The following TMEM132B variants were observed in gnomAD, a reference collection of about 807,000 sequenced individuals.
TMEM132B encodes transmembrane protein 132B.
In TMEM132B, 18 loss-of-function variants were observed where a neutral mutation model predicts 90.8. The observed-to-expected ratio is 0.20, with a 90% confidence interval of 0.14 to 0.29. The LOEUF is 0.29. Ranked by LOEUF, TMEM132B falls within the 10% of genes least tolerant of loss-of-function variation. The pLI is 1.00. For synonymous variants in TMEM132B, 504 were observed against 523.3 expected (o/e 0.96, Z 0.50); for missense variants, 1,096 against 1,326.8 (o/e 0.83, Z 2.70).
intron 3 of TMEM132B, among the ~76,000 whole-genome samples, chr12:125,483,483 G>T (rs1882114348): frequency 6.6e-6 from 1 of 151,838 alleles, no homozygotes; most frequent in African/African-American, 2.4e-5. Context: ...AAAGCAATTT[G>T]GTCTTGTTAA....
At chr12:125,586,569 C>T (rs1436656026) in intron 5 of TMEM132B, 1 of 152,170 alleles carries the variant, frequency 6.6e-6, no homozygotes, top group Non-Finnish European at 1.5e-5. Context: ...TTCTGAGTAT[C>T]GTGAAGAAAT....
chr12:125,373,158 T>G (rs1422840131), intron 2 of TMEM132B, among the ~76,000 whole-genome samples: 1 of 152,212 alleles, frequency 6.6e-6, no homozygotes, highest in Non-Finnish European at 1.5e-5. Flanking sequence ...GGCAGGGACA[T>G]GTATCACCAG....
At chr12:125,507,231 T>C (rs1227743373) in intron 3 of TMEM132B, among the ~76,000 whole-genome samples, 1 of 152,232 alleles carries the variant, frequency 6.6e-6, no homozygotes, top group Non-Finnish European at 1.5e-5. Flanking sequence ...TCACAGATTA[T>C]GCATGCATTC....
intron 1 of TMEM132B, among the ~76,000 whole-genome samples, chr12:125,198,229 G>A (rs1593038441): frequency 6.6e-6 from 1 of 152,190 alleles, no homozygotes; most frequent in East Asian, 1.9e-4. Context: ...CACTATTTTA[G>A]TCTGAATTCT....
At chr12:125,353,811 AT>A (rs1182713844) in intron 2 of TMEM132B, among the ~76,000 whole-genome samples, 2 of 152,214 alleles carry the variant, frequency 1.3e-5, no homozygotes, top group African/African-American at 4.8e-5. Flanking sequence ...GAGGAGATTC[AT>A]TTAGGGATGA....
chr12:125,375,296 A>AG lies in TMEM132B; in HGVS notation c.959+24955dup, dbSNP rs758364576. The stretch of plus-strand genomic sequence containing the variant: ...AATATGCAACAGTCTCTAAAGACTC[A>AG]GGAGATGGAGGCTGAGTTTTCAAGG... On this transcript the variant is annotated intron_variant, in intron 2 of 8. Coordinates refer to ENST00000682704, the MANE Select transcript of TMEM132B (RefSeq NM_001366854.1). Among the ~76,000 whole-genome samples, 17 of 152,328 alleles carry AG rather than the reference A, an allele frequency of 1.1e-4. 1 individual carries two copies. The highest frequency in any genetic ancestry group is 6.5e-4 in the Admixed American group (10 of 15,300).
Position 125,650,891 on chromosome 12 carries a change from A to G in TMEM132B, c.1852A>G (p.Ile618Val). ...TEFMKVEEPK[I>V]AQLQDGRTLA... ...GTTCATGAAGGTGGAGGAGCCGAAA[A>G]TCGCTCAGTTACAGGACGGCAGGAC... Residue 618 changes from isoleucine (I) to valine (V), a missense_variant, in exon 7 of 9, where the codon ATC becomes GTC. Physicochemically the swap from Ile to Val is conservative, Grantham distance 29. Coordinates refer to ENST00000682704, the MANE Select transcript of TMEM132B (RefSeq NM_001366854.1). 4 of 1,613,830 alleles carry G rather than the reference A, an allele frequency of 2.5e-6. No homozygotes were observed. Among genetic ancestry groups the G allele is most frequent in the Non-Finnish European group, 3.4e-6 (4 of 1,180,016 alleles).
intron 1 of TMEM132B, among the ~76,000 whole-genome samples, chr12:125,241,792 G>T (rs1359077740): frequency 6.6e-6 from 1 of 152,130 alleles, no homozygotes; most frequent in Non-Finnish European, 1.5e-5. Flanking sequence ...AGTTTCTAAA[G>T]CTCTCCTTGC....
At position 125,655,349 on chromosome 12, in the gene TMEM132B, A is replaced by T. The variant is rs1887033695; in HGVS notation, c.*639A>T. ...GTTATTTCCTGGGTCTCCATGCAGG[A>T]TGTCAGGTTTTTCCAGTTTTCTGCA... On this transcript the variant is annotated 3_prime_UTR_variant, in exon 9 of 9. Coordinates refer to ENST00000682704, the MANE Select transcript of TMEM132B (RefSeq NM_001366854.1). 1 of 152,172 alleles carries T rather than the reference A, an allele frequency of 6.6e-6. No individual in the cohort carries two copies. Among genetic ancestry groups the T allele is most frequent in the Non-Finnish European group, 1.5e-5 (1 of 68,068 alleles). 9.4% of individuals were successfully genotyped at this position (152,172 alleles called of 1,614,324 possible).
rs138388664 is a variant in TMEM132B, at chr12:125,646,440, G to A, written c.1643+2159G>A. On this transcript the variant is annotated intron_variant, in intron 6 of 8. Transcript: ENST00000682704. ...AAGTGTGCTTTAAACAAAAGGCCAA[G>A]GTGGATCTCGAAAACCCTTGCTGAA... 3.0e-4 allele frequency among the ~76,000 whole-genome samples: 45 copies of A among 152,334 alleles called. No individual in the cohort carries two copies. The East Asian group carries it at 8.5e-3, about 29-fold the overall frequency.
At chr12:125,391,768 A>G (rs1299629767) in intron 2 of TMEM132B, among the ~76,000 whole-genome samples, 1 of 152,124 alleles carries the variant, frequency 6.6e-6, no homozygotes, top group Non-Finnish European at 1.5e-5. Flanking sequence ...AATTAAATTA[A>G]TTAATTAGTT....
rs80166426 is a variant in TMEM132B at position 125,375,484 on chromosome 12, A to G, written c.959+25141A>G. ...GTATAGCTAGTCATGGAGTGGAGGA[A>G]CACCCATCTTTGCTTTTCATCTTGA... On this transcript the variant is annotated intron_variant, in intron 2 of 8. Transcript: ENST00000682704. Among the ~76,000 whole-genome samples, 478 of 152,360 alleles carry G rather than the reference A, an allele frequency of 3.1e-3. 8 individuals are homozygous for G. In the East Asian group the frequency reaches 0.036, roughly 12 times the overall value.
At chr12:125,411,160 T>TGGAGTGGAGTGGAGTGGAGTGAGTGGA in intron 2 of TMEM132B, among the ~76,000 whole-genome samples, 1 of 44,984 alleles carries the variant, frequency 2.2e-5, no homozygotes, top group Non-Finnish European at 4.5e-5. Flanking sequence ...AGTGGAGGAG[T>TGGAGTGGAGTGGAGTGGAGTGAGTGGA]GGAGTGGAGT....
At chr12:125,297,144 G>C (rs1033160478) in intron 1 of TMEM132B, among the ~76,000 whole-genome samples, 1 of 152,186 alleles carries the variant, frequency 6.6e-6, no homozygotes, top group Non-Finnish European at 1.5e-5. Context: ...GTTTCCTTGG[G>C]GGGGTCCTGC....
intron 2 of TMEM132B, among the ~76,000 whole-genome samples, chr12:125,377,936 C>T (rs182598080): frequency 1.6e-4 from 24 of 152,236 alleles, no homozygotes; most frequent in African/African-American, 4.6e-4. Flanking sequence ...CGCACACATA[C>T]GGTCAGATGA....
At chr12:125,383,753 A>G (rs1878748843) in intron 2 of TMEM132B, among the ~76,000 whole-genome samples, 1 of 152,244 alleles carries the variant, frequency 6.6e-6, no homozygotes. Flanking sequence ...ATAAATATAT[A>G]CAAAGCTAAA....
chr12:125,357,412 C>T lies in TMEM132B; in HGVS notation c.959+7069C>T, dbSNP rs186278794. On this transcript the variant is annotated intron_variant, in intron 2 of 8. Coordinates refer to ENST00000682704, the MANE Select transcript of TMEM132B (RefSeq NM_001366854.1). ...ACCTTCATAAGTTAAATCATGTACC[C>T]GTGCCTTCTGTGCAGTTTTTGTTTA... Among the ~76,000 whole-genome samples, 35 of 152,298 alleles carry T rather than the reference C, an allele frequency of 2.3e-4. No individual in the cohort carries two copies. The South Asian group carries it at 2.7e-3, about 12-fold the overall frequency.
At chr12:125,352,854 A>T (rs1877634872) in intron 2 of TMEM132B, among the ~76,000 whole-genome samples, 1 of 152,186 alleles carries the variant, frequency 6.6e-6, no homozygotes, top group Non-Finnish European at 1.5e-5. Context: ...GCAGATCCCA[A>T]GTAGGTTTTG....
rs563969366 is a variant in TMEM132B at position 125,608,638 on chromosome 12, C to A, written c.1437+24644C>A. Among the ~76,000 whole-genome samples, 323 of 152,170 alleles carry A rather than the reference C, an allele frequency of 2.1e-3. 1 individual carries two copies. Among genetic ancestry groups the A allele is most frequent in the African/African-American group, 7.3e-3 (304 of 41,538 alleles). On this transcript the variant is annotated intron_variant, in intron 5 of 8. Coordinates refer to ENST00000682704, the MANE Select transcript of TMEM132B (RefSeq NM_001366854.1). ...TACTTTTGATGTAATATCTATGAAA[C>A]CATTGGTTAATCAAAAGTCATAAAG...
Sources: gnomAD v4.1 joint callset for allele counts (sites outside exome capture counted in the v4.1 genomes callset) on GRCh38, gnomAD v4.1.1 for gene constraint, MANE v1.5 for transcripts, NCBI Gene and HGNC (gene_info 2026-07-23, HGNC 2026-07-21) for gene names.